RTN4R: variants seen among roughly 807,000 people sequenced by gnomAD.
RTN4R encodes the protein reticulon 4 receptor, also known as reticulon-4 receptor.
A neutral mutation model predicts 27.7 loss-of-function variants in RTN4R; 4 were observed. The ratio of observed to expected loss-of-function variants is 0.14; its 90% CI spans 0.07 to 0.33. The LOEUF is 0.33. Ranked by LOEUF, RTN4R falls within the 10% of genes least tolerant of loss-of-function variation. RTN4R has a pLI of 1.00. For synonymous variants in RTN4R, 290 were observed against 305.6 expected (o/e 0.95, Z 0.53); for missense variants, 554 against 671.5 (o/e 0.83, Z 1.93).
chr22:20,264,239 G>A (rs1281365659), intron 1 of RTN4R, among the ~76,000 whole-genome samples: 3 of 152,212 alleles, frequency 2.0e-5, no homozygotes, highest in African/African-American at 7.2e-5. Context: ...ATAAATGATG[G>A]TGCATTCTCA....
chr22:20,257,138 T>TC (rs1602648018), intron 1 of RTN4R, among the ~76,000 whole-genome samples: 1 of 152,146 alleles, frequency 6.6e-6, no homozygotes. Context: ...GAGACAGCAT[T>TC]CCCCAGGATG....
Position 20,241,928 on chromosome 22 carries a change from C to A in RTN4R, c.1205G>T (p.Gly402Val). The A allele has an allele frequency of 1.2e-6, 2 of 1,605,924 alleles. No homozygotes were observed. Among genetic ancestry groups the A allele is most frequent in the Non-Finnish European group, 1.7e-6 (2 of 1,177,480 alleles). ...EPPLTAVRPE[G>V]SEPPGFPTSG... Reference sequence around the variant, plus strand: ...GGTGGGGAACCCTGGTGGCTCGGAGCCCTCGGGCCGCACTGCAGTGAGCGG... The same window carrying A: ...GGTGGGGAACCCTGGTGGCTCGGAGACCTCGGGCCGCACTGCAGTGAGCGG... Residue 402 changes from glycine (G) to valine (V), a missense_variant, in exon 2 of 2, where the codon GGC (glycine) becomes GTC (valine). Gly to Val is a moderately radical substitution (Grantham distance 109). Transcript: ENST00000043402.
intron 1 of RTN4R, among the ~76,000 whole-genome samples, chr22:20,258,215 T>G (rs995415850): frequency 1.3e-5 from 2 of 152,164 alleles, no homozygotes; most frequent in African/African-American, 4.8e-5. Context: ...GCTCTGTTGC[T>G]CCAAGGCCAT....
chr22:20,251,138 C>T (rs1440224832), intron 1 of RTN4R, among the ~76,000 whole-genome samples: 2 of 152,134 alleles, frequency 1.3e-5, no homozygotes, highest in East Asian at 3.9e-4. Context: ...GGACTCTGGC[C>T]AGGTCACACC....
At chr22:20,252,231 A>G (rs968129160) in intron 1 of RTN4R, among the ~76,000 whole-genome samples, 4 of 152,034 alleles carry the variant, frequency 2.6e-5, no homozygotes, top group African/African-American at 9.7e-5. Flanking sequence ...CCCTTAGATA[A>G]AGGGCAGCCT....
rs781757639 is a variant in RTN4R, at chr22:20,267,712, C to T, written c.22+359G>A. On this transcript the variant is annotated intron_variant, in intron 1 of 1. Transcript: ENST00000043402. The stretch of plus-strand genomic sequence containing the variant: ...ACCCACGTTTCTGCAAAAACCCGCT[C>T]GTTAACCCCTTGGTGGCCGGGGCGC... 5.6e-4 allele frequency: 251 copies of T among 446,490 alleles called. 2 individuals are homozygous for T. The highest frequency in any genetic ancestry group is 1.5e-4 in the Non-Finnish European group (33 of 217,914). The allele number at this position is 446,490 out of a possible 1,614,324, so 27.7% of individuals were successfully genotyped here.
At chr22:20,244,862 CAACT>C (rs542580666) in intron 1 of RTN4R, among the ~76,000 whole-genome samples, 191 of 152,258 alleles carry the variant, frequency 1.3e-3, no homozygotes, top group African/African-American at 4.1e-3. Flanking sequence ...TGGGGGTCAC[CAACT>C]GAGCCTTGTC....
chr22:20,259,239 G>T (rs2051230486), intron 1 of RTN4R, among the ~76,000 whole-genome samples: 1 of 152,200 alleles, frequency 6.6e-6, no homozygotes, highest in Non-Finnish European at 1.5e-5. Context: ...ACTCCATTAG[G>T]GCCGCCATCT....
chr22:20,267,620 G>A (rs782386757), intron 1 of RTN4R: 42 of 469,284 alleles, frequency 8.9e-5, no homozygotes, highest in South Asian at 5.0e-4. Context: ...TCGGAGAAAC[G>A]GGAGGTTCTG....
rs1266141297 is a variant in RTN4R at position 20,268,298 on chromosome 22, A to T, written c.-206T>A. 21 of 1,334 alleles carry T rather than the reference A, an allele frequency of 0.016. No individual in the cohort carries two copies. Among genetic ancestry groups the T allele is most frequent in the East Asian group, 0.045 (1 of 22 alleles). The allele number at this position is 1,334 out of a possible 1,614,324, so 0.1% of individuals were successfully genotyped here. On this transcript the variant is annotated 5_prime_UTR_variant, in exon 1 of 2. Coordinates refer to ENST00000043402, the MANE Select transcript of RTN4R (RefSeq NM_023004.6). The stretch of plus-strand genomic sequence containing the variant: ...CAGGGCGCGCAGGGCGCACAGGGCG[A>T]GGGCGGCGGCGGCGCGGGGGTTGGG...
At chr22:20,257,007 T>G (rs992107626) in intron 1 of RTN4R, among the ~76,000 whole-genome samples, 12 of 152,258 alleles carry the variant, frequency 7.9e-5, no homozygotes, top group African/African-American at 2.9e-4. Context: ...TGAGGCACCC[T>G]GGGCTTTGGG....
chr22:20,247,241 G>T (rs971023163), intron 1 of RTN4R, among the ~76,000 whole-genome samples: 1 of 152,130 alleles, frequency 6.6e-6, no homozygotes, highest in Non-Finnish European at 1.5e-5. Context: ...TAGCACAGCC[G>T]GGACATCAGT....
chr22:20,262,802 G>A lies in RTN4R; in HGVS notation c.22+5269C>T, dbSNP rs1282426237. On this transcript the variant is annotated intron_variant, in intron 1 of 1. Coordinates refer to ENST00000043402, the MANE Select transcript of RTN4R (RefSeq NM_023004.6). The stretch of plus-strand genomic sequence containing the variant: ...CACACAGCAAGCCAGCACTGCACAA[G>A]CTTACCCATGGCTGCCCAGCCTTGG... Among the ~76,000 whole-genome samples, 5 of 152,376 alleles carry A rather than the reference G, an allele frequency of 3.3e-5. No homozygotes were observed. The South Asian group carries it at 1.0e-3, about 32-fold the overall frequency.
At position 20,268,056 on chromosome 22, in the gene RTN4R, A is replaced by G. The variant is rs2051289918; in HGVS notation, c.22+15T>C. The G allele has an allele frequency of 2.6e-6, 3 of 1,173,198 alleles. No individual in the cohort carries two copies. The South Asian group carries it at 1.1e-4, about 42-fold the overall frequency. 72.7% of individuals were successfully genotyped at this position (1,173,198 alleles called of 1,614,324 possible). Reference sequence around the variant, plus strand: ...CCCGCCGCCGGCCGGGCTCGGGTGCAGCGCGGACACTCACCTCCAGCGGAC... The same window carrying G: ...CCCGCCGCCGGCCGGGCTCGGGTGCGGCGCGGACACTCACCTCCAGCGGAC... On this transcript the variant is annotated intron_variant, in intron 1 of 1. Transcript: ENST00000043402.
chr22:20,258,211 T>C (rs76149327), intron 1 of RTN4R, among the ~76,000 whole-genome samples: 2,553 of 152,280 alleles, frequency 0.017, 76 homozygotes, highest in African/African-American at 0.059. Context: ...CGGGGCTCTG[T>C]TGCTCCAAGG....
At chr22:20,248,038 G>A (rs569410153) in intron 1 of RTN4R, among the ~76,000 whole-genome samples, 1 of 152,280 alleles carries the variant, frequency 6.6e-6, no homozygotes, top group African/African-American at 2.4e-5. Flanking sequence ...CAGCAGGCCA[G>A]GCCAGAGGCT....
chr22:20,266,898 G>C (rs560295787), intron 1 of RTN4R, among the ~76,000 whole-genome samples: 1 of 152,398 alleles, frequency 6.6e-6, no homozygotes, highest in East Asian at 1.9e-4. Context: ...ACACAAGCCC[G>C]AGGCGGGGAC....
At chr22:20,259,427 AGCCTGGAGGCAGCCGGGTGCGCAGG>A (rs2051231727) in intron 1 of RTN4R, among the ~76,000 whole-genome samples, 1 of 152,158 alleles carries the variant, frequency 6.6e-6, no homozygotes, top group South Asian at 2.1e-4. Flanking sequence ...GATGAAAGAC[AGCCTGGAGGCAGCCGGGTGCGCAGG>A]GCCCATGTGT....
In RTN4R at chr22:20,268,113, C is replaced by T. The variant is rs1333917131; in HGVS notation, c.-21G>A. 1 of 1,148,130 alleles carries T rather than the reference C, an allele frequency of 8.7e-7. No individual in the cohort carries two copies. The highest frequency in any genetic ancestry group is 1.1e-6 in the Non-Finnish European group (1 of 931,822). 71.1% of individuals were successfully genotyped at this position (1,148,130 alleles called of 1,614,324 possible). On this transcript the variant is annotated 5_prime_UTR_variant, in exon 1 of 2. Transcript: ENST00000043402. ...TTCATCGTAGGGGTTGGGCGGGGCG[C>T]GTCGGGGACTGAAAGTCGTTTCGGG...
Sources: allele counts gnomAD v4.1 joint callset (sites outside exome capture counted in the v4.1 genomes callset), GRCh38; gene constraint gnomAD v4.1.1; transcripts MANE v1.5; gene names NCBI Gene and HGNC (gene_info 2026-07-23, HGNC 2026-07-21).